Variants in UBE2H observed in about 807,000 individuals in gnomAD.
The protein encoded by UBE2H is ubiquitin-conjugating enzyme E2 H.
A neutral mutation model predicts 29.0 loss-of-function variants in UBE2H; 3 were observed. The observed-to-expected ratio is 0.10, with a 90% CI of 0.05 to 0.27. The LOEUF is 0.27. Among genes scored for constraint, UBE2H ranks in the 10% least tolerant of loss-of-function variants. The pLI, the probability that UBE2H is intolerant of heterozygous loss-of-function variation, is 1.00. For synonymous variants in UBE2H, 69 were observed against 82.9 expected (o/e 0.83, Z 0.91); for missense variants, 68 against 228.2 (o/e 0.30, Z 4.52).
chr7:129,932,785 A>AG (rs1382127572), intron 1 of UBE2H, among the ~76,000 whole-genome samples: 1 of 144,330 alleles, frequency 6.9e-6, no homozygotes, highest in East Asian at 2.0e-4. Flanking sequence ...AAAAAAAAAA[A>AG]AAAAAAAAAA....
chr7:129,883,798 C>A (rs1806302521), intron 1 of UBE2H, among the ~76,000 whole-genome samples: 1 of 152,106 alleles, frequency 6.6e-6, no homozygotes, highest in Non-Finnish European at 1.5e-5. Context: ...GCTGAGATTG[C>A]ACCACTGTAC....
At chr7:129,871,473 G>C (rs773056385) in intron 3 of UBE2H, among the ~76,000 whole-genome samples, 52 of 152,138 alleles carry the variant, frequency 3.4e-4, no homozygotes, top group Non-Finnish European at 7.5e-4. Flanking sequence ...CCAGCACTTT[G>C]GGAGGCCAAG....
intron 3 of UBE2H, among the ~76,000 whole-genome samples, chr7:129,868,820 TCTCA>T (rs1263590187): frequency 2.0e-5 from 3 of 152,142 alleles, no homozygotes; most frequent in South Asian, 4.1e-4. Context: ...CACTGGCTTC[TCTCA>T]CTGAGAACTT....
intron 1 of UBE2H, among the ~76,000 whole-genome samples, chr7:129,904,780 G>A (rs1424780471): frequency 1.3e-5 from 2 of 152,166 alleles, no homozygotes; most frequent in African/African-American, 4.8e-5. Flanking sequence ...AAAGCTCCAA[G>A]TTTAGTGGGG....
At chr7:129,879,275 T>C (rs1374952968) in intron 3 of UBE2H, among the ~76,000 whole-genome samples, 2 of 152,242 alleles carry the variant, frequency 1.3e-5, no homozygotes, top group African/African-American at 2.4e-5. Context: ...ATGTTTATTA[T>C]TTTCCTGCTA....
At chr7:129,895,242 C>T (rs1208116156) in intron 1 of UBE2H, among the ~76,000 whole-genome samples, 1 of 152,106 alleles carries the variant, frequency 6.6e-6, no homozygotes, top group Non-Finnish European at 1.5e-5. Flanking sequence ...GTCTCTAGCA[C>T]CTGTCACATG....
chr7:129,848,641 G>C (rs896009385), intron 5 of UBE2H, among the ~76,000 whole-genome samples: 1 of 152,176 alleles, frequency 6.6e-6, no homozygotes, highest in Middle Eastern at 3.2e-3. Context: ...GACTACTAGA[G>C]AAAAGCAGCT....
chr7:129,867,309 A>T (rs542048690), intron 3 of UBE2H, among the ~76,000 whole-genome samples: 1 of 151,020 alleles, frequency 6.6e-6, no homozygotes, highest in Admixed American at 6.6e-5. Context: ...CAAATGTCCA[A>T]CAATGATAGA....
intron 1 of UBE2H, among the ~76,000 whole-genome samples, chr7:129,950,463 C>T (rs1028774357): frequency 6.6e-6 from 1 of 152,092 alleles, no homozygotes; most frequent in Non-Finnish European, 1.5e-5. Context: ...CACACCCCGA[C>T]TCCTAAATGC....
intron 1 of UBE2H, among the ~76,000 whole-genome samples, chr7:129,898,644 C>T (rs928255154): frequency 1.4e-4 from 21 of 152,126 alleles, no homozygotes; most frequent in East Asian, 1.9e-4. Context: ...TTCCTTCTCT[C>T]GTGTTTGCAC....
intron 1 of UBE2H, among the ~76,000 whole-genome samples, chr7:129,945,474 T>C (rs758982268): frequency 2.1e-4 from 32 of 152,220 alleles, no homozygotes; most frequent in Non-Finnish European, 4.6e-4. Flanking sequence ...TTAATCACTA[T>C]GCCAGGCTAT....
intron 1 of UBE2H, among the ~76,000 whole-genome samples, chr7:129,932,731 G>A (rs549210106): frequency 3.7e-5 from 5 of 133,910 alleles, no homozygotes; most frequent in African/African-American, 5.7e-5. Flanking sequence ...CTAAGATCAC[G>A]CCATTGCACT....
At chr7:129,876,870 A>G (rs1171281957) in intron 3 of UBE2H, among the ~76,000 whole-genome samples, 1 of 152,240 alleles carries the variant, frequency 6.6e-6, no homozygotes, top group African/African-American at 2.4e-5. Flanking sequence ...ATTGTTTTAA[A>G]GGGACATCTC....
chr7:129,848,973 C>A (rs1357409275), intron 5 of UBE2H, among the ~76,000 whole-genome samples: 5 of 151,280 alleles, frequency 3.3e-5, no homozygotes, highest in Non-Finnish European at 7.4e-5. Context: ...TAGATCTTTA[C>A]CTTCTACTCC....
In UBE2H at chr7:129,879,515, T is replaced by C. The variant is rs1806212607; in HGVS notation, c.205+53A>G. 4 of 1,517,684 alleles carry C rather than the reference T, an allele frequency of 2.6e-6. No homozygotes were observed. In the South Asian group the frequency reaches 3.5e-5, roughly 13 times the overall value. 94.0% of individuals were successfully genotyped at this position (1,517,684 alleles called of 1,614,324 possible). On this transcript the variant is annotated intron_variant, in intron 3 of 6. Coordinates refer to ENST00000355621, the MANE Select transcript of UBE2H (RefSeq NM_003344.4). ...TTACCTCCCCTGAAATGTAAGATTTTTCCCCCTTAGATTTCAAAACTCTCT... is the reference window on the plus strand; with the variant it reads ...TTACCTCCCCTGAAATGTAAGATTTCTCCCCCTTAGATTTCAAAACTCTCT...
chr7:129,911,542 G>A (rs1806937551), intron 1 of UBE2H, among the ~76,000 whole-genome samples: 1 of 152,136 alleles, frequency 6.6e-6, no homozygotes, highest in South Asian at 2.1e-4. Flanking sequence ...TTAGGGGCCT[G>A]TTGGGATCGT....
chr7:129,841,969 GA>G (rs985583977), intron 5 of UBE2H, among the ~76,000 whole-genome samples: 1 of 151,980 alleles, frequency 6.6e-6, no homozygotes, highest in East Asian at 1.9e-4. Context: ...TGTTTTCAAT[GA>G]AAAAAATGCT....
intron 1 of UBE2H, among the ~76,000 whole-genome samples, chr7:129,919,467 C>T (rs1807112762): frequency 6.6e-6 from 1 of 152,132 alleles, no homozygotes; most frequent in African/African-American, 2.4e-5. Context: ...TTGGCCTCAC[C>T]AATCCTGGGA....
chr7:129,891,386 G>C (rs1040705453), intron 1 of UBE2H, among the ~76,000 whole-genome samples: 1 of 151,962 alleles, frequency 6.6e-6, no homozygotes, highest in Admixed American at 6.5e-5. Context: ...TAAACAAAGG[G>C]GGAGGGGATG....
Sources: gnomAD v4.1 joint callset for allele counts (sites outside exome capture counted in the v4.1 genomes callset) on GRCh38, gnomAD v4.1.1 for gene constraint, MANE v1.5 for transcripts, NCBI Gene and HGNC (gene_info 2026-07-23, HGNC 2026-07-21) for gene names.